Variants in BAIAP2L1 observed in about 807,000 individuals in gnomAD.
BAIAP2L1 encodes BAR/IMD domain containing adaptor protein 2 like 1.
In BAIAP2L1, 35 loss-of-function variants were observed where a neutral mutation model predicts 66.3. That is an observed-to-expected ratio of 0.53 (90% CI 0.40 to 0.70). The LOEUF is 0.70. Among genes scored for constraint, BAIAP2L1 ranks in the 30% least tolerant of loss-of-function variants. The pLI is 0.00. For synonymous variants in BAIAP2L1, 269 were observed against 248.7 expected, an observed-to-expected ratio of 1.08 and a Z score of -0.77; for missense variants, 622 against 656.9, an observed-to-expected ratio of 0.95 and a Z score of 0.58.
intron 1 of BAIAP2L1, among the ~76,000 whole-genome samples, chr7:98,389,181 C>T (rs1244139831): frequency 6.6e-6 from 1 of 152,044 alleles, no homozygotes; most frequent in African/African-American, 2.4e-5. Flanking sequence ...ACTCCTCTCC[C>T]CTCCCCCAAC....
chr7:98,326,082 G>A (rs78988250), intron 3 of BAIAP2L1, among the ~76,000 whole-genome samples: 3,695 of 152,200 alleles, frequency 0.024, 147 homozygotes, highest in African/African-American at 0.085. Context: ...TGAGCCCAGG[G>A]GATGGGCCAC....
At chr7:98,325,583 T>C (rs879495848) in intron 3 of BAIAP2L1, among the ~76,000 whole-genome samples, 5 of 151,028 alleles carry the variant, frequency 3.3e-5, no homozygotes, top group Non-Finnish European at 5.9e-5. Flanking sequence ...GAGGCTGAGG[T>C]AGGAGAACTG....
At position 98,377,847 on chromosome 7, in the gene BAIAP2L1, G is replaced by T. The variant is rs1426847999; in HGVS notation, c.52-15415C>A. Among the ~76,000 whole-genome samples, 17 of 128,862 alleles carry T rather than the reference G, an allele frequency of 1.3e-4. No homozygotes were observed. In the East Asian group the frequency reaches 2.0e-3, roughly 15 times the overall value. 84.5% of individuals were successfully genotyped at this position (128,862 alleles called of 152,430 possible). ...AAAAAAAAAAAAAAAAAAAAAAAAGGCCAGGTGTGGTGGCTCACACCTGTA... is the reference window on the plus strand; with the variant it reads ...AAAAAAAAAAAAAAAAAAAAAAAAGTCCAGGTGTGGTGGCTCACACCTGTA... On this transcript the variant is annotated intron_variant, in intron 1 of 13. Transcript: ENST00000005260.
intron 1 of BAIAP2L1, among the ~76,000 whole-genome samples, chr7:98,375,098 A>C (rs1036830430): frequency 6.6e-6 from 1 of 151,726 alleles, no homozygotes; most frequent in Admixed American, 6.6e-5. Flanking sequence ...AAAAAAACAA[A>C]AAACAAAAAC....
chr7:98,365,100 C>T (rs2115737223), intron 1 of BAIAP2L1, among the ~76,000 whole-genome samples: 1 of 138,648 alleles, frequency 7.2e-6, no homozygotes, highest in Admixed American at 7.7e-5. Flanking sequence ...TTTTTTAAAG[C>T]TTATTTCTGG....
rs150852685 is a variant in BAIAP2L1 at position 98,307,811 on chromosome 7, G to A, written c.1041C>T (p.Ile347=). The A allele has an allele frequency of 4.9e-5, 79 of 1,614,144 alleles. No individual in the cohort carries two copies. Among genetic ancestry groups the A allele is most frequent in the Non-Finnish European group, 5.3e-5 (62 of 1,180,044 alleles). ...TGTTGGAGCCCGCAGTGTGCGGGAA[G>A]ATGGTCTTCACTTTCTGCTTCTTCA... is the stretch of plus-strand genomic sequence containing the variant. ...NMMKKQKVKT[I]FPHTAGSNKT... is the part of the protein sequence containing the mutation. Residue 347 remains isoleucine (I), a synonymous_variant, in exon 10 of 14, where the codon ATC becomes ATT. Transcript: ENST00000005260.
rs1286728688 is a variant in BAIAP2L1, at chr7:98,292,647, G to A, written c.*874C>T. On this transcript the variant is annotated 3_prime_UTR_variant, in exon 14 of 14. Transcript: ENST00000005260. ...AACCCGCCCTTCTCCAGGCACCAGAGGTCATCCTGGCTTTACACGTATCCT... is the reference window on the plus strand; with the variant it reads ...AACCCGCCCTTCTCCAGGCACCAGAAGTCATCCTGGCTTTACACGTATCCT... The A allele has an allele frequency of 1.3e-6, 2 of 1,551,668 alleles. No homozygotes were observed. The highest frequency in any genetic ancestry group is 2.4e-5 in the South Asian group (2 of 84,058).
chr7:98,360,956 CCA>C lies in BAIAP2L1; in HGVS notation c.127+1399_127+1400del, dbSNP rs1190942172. Among the ~76,000 whole-genome samples, 17 of 152,290 alleles carry C rather than the reference CCA, an allele frequency of 1.1e-4. 1 individual carries two copies. The highest frequency in any genetic ancestry group is 3.8e-4 in the African/African-American group (16 of 41,576). ...AATGGTGCTCCTCCTCACCCAGAGT[CCA>C]CAGTCTAGCCAGCTCACACCCTTTC... On this transcript the variant is annotated intron_variant, in intron 2 of 13. Coordinates refer to ENST00000005260, the MANE Select transcript of BAIAP2L1 (RefSeq NM_018842.5).
At chr7:98,329,406 G>A (rs1801444009) in intron 3 of BAIAP2L1, among the ~76,000 whole-genome samples, 1 of 152,142 alleles carries the variant, frequency 6.6e-6, no homozygotes, top group African/African-American at 2.4e-5. Context: ...GGAGGAGTCT[G>A]AGAGTTGCAA....
At chr7:98,307,423 A>T in intron 10 of BAIAP2L1, 2 of 1,303,332 alleles carry the variant, frequency 1.5e-6, no homozygotes, top group Non-Finnish European at 9.8e-7. Flanking sequence ...AATTTTTTTT[A>T]AAAACAAAAG....
chr7:98,320,624 C>T (rs1016824623), intron 3 of BAIAP2L1, among the ~76,000 whole-genome samples: 14 of 151,766 alleles, frequency 9.2e-5, no homozygotes, highest in Admixed American at 2.0e-4. Flanking sequence ...TGTGAGCCGC[C>T]GCGCCAGGCC....
chr7:98,375,911 A>G (rs1335536877), intron 1 of BAIAP2L1, among the ~76,000 whole-genome samples: 3 of 152,196 alleles, frequency 2.0e-5, no homozygotes, highest in African/African-American at 4.8e-5. Flanking sequence ...GGAGCCACTA[A>G]TTCAGACTGC....
At chr7:98,341,759 T>C (rs1424528686) in intron 3 of BAIAP2L1, among the ~76,000 whole-genome samples, 1 of 152,148 alleles carries the variant, frequency 6.6e-6, no homozygotes, top group South Asian at 2.1e-4. Flanking sequence ...ATTACATTTA[T>C]AATGTGCTTA....
intron 5 of BAIAP2L1, among the ~76,000 whole-genome samples, chr7:98,318,680 C>T (rs1249516810): frequency 6.6e-6 from 1 of 151,784 alleles, no homozygotes; most frequent in Non-Finnish European, 1.5e-5. Flanking sequence ...CATGGTGGCT[C>T]ACGCCTCTAA....
chr7:98,307,280 A>G, intron 10 of BAIAP2L1: 1 of 532,064 alleles, frequency 1.9e-6, no homozygotes, highest in Non-Finnish European at 2.5e-6. Context: ...TAATTTTTGT[A>G]TTTTTCGTAG....
intron 3 of BAIAP2L1, among the ~76,000 whole-genome samples, chr7:98,353,464 TATAA>T (rs943320863): frequency 7.0e-4 from 95 of 136,408 alleles, no homozygotes; most frequent in African/African-American, 2.1e-3. Context: ...ATATTTATAT[TATAA>T]ATATACATAT....
intron 1 of BAIAP2L1, 110 bp downstream of exon 1, chr7:98,400,692 C>A (rs533107111): frequency 5.1e-4 from 645 of 1,257,872 alleles, no homozygotes; most frequent in African/African-American, 3.5e-3. Flanking sequence ...GGTGGAAGGA[C>A]GCGGGGGAGG....
chr7:98,390,375 GAATA>G (rs1803006377), intron 1 of BAIAP2L1, among the ~76,000 whole-genome samples: 1 of 152,048 alleles, frequency 6.6e-6, no homozygotes, highest in Non-Finnish European at 1.5e-5. Context: ...CATTAAAACG[GAATA>G]TATATATTTA....
Position 98,292,986 on chromosome 7 carries a change from A to AGACCACCG in BAIAP2L1, c.*534_*535insCGGTGGTC. On this transcript the variant is annotated 3_prime_UTR_variant, in exon 14 of 14. Transcript: ENST00000005260. ...AGGGTGGGGGTTTCTCCATCTCTGGAAGCTCTACACTTAAACATTTTAAGT... is the reference window on the plus strand; with the variant it reads ...AGGGTGGGGGTTTCTCCATCTCTGGAGACCACCGAGCTCTACACTTAAACATTTTAAGT... 1 of 1,176,412 alleles carries AGACCACCG rather than the reference A, an allele frequency of 8.5e-7. No individual in the cohort carries two copies. Among genetic ancestry groups the AGACCACCG allele is most frequent in the Non-Finnish European group, 1.1e-6 (1 of 950,950 alleles). 72.9% of individuals were successfully genotyped at this position (1,176,412 alleles called of 1,614,324 possible).
Sources: allele counts gnomAD v4.1 joint callset (sites outside exome capture counted in the v4.1 genomes callset), GRCh38; gene constraint gnomAD v4.1.1; transcripts MANE v1.5; gene names NCBI Gene and HGNC (gene_info 2026-07-23, HGNC 2026-07-21).